Variants in XPC observed in about 807,000 individuals in gnomAD.
XPC encodes the protein DNA repair protein complementing XP-C cells.
In XPC, 76 loss-of-function variants were observed where a neutral mutation model predicts 95.8. The ratio of observed to expected loss-of-function variants is 0.79; its 90% CI spans 0.66 to 0.96. The LOEUF (loss-of-function observed/expected upper bound fraction) is 0.96, where lower values mean the gene tolerates loss of function less well. Ranked by LOEUF, XPC falls within the 40% of genes least tolerant of loss-of-function variation. The pLI is 0.00. For synonymous variants in XPC, 442 were observed against 442.1 expected (o/e 1.00, Z 0.00); for missense variants, 1,146 against 1,179.8 (o/e 0.97, Z 0.42).
chr3:14,167,915 C>T lies in XPC; in HGVS notation c.536+342G>A, dbSNP rs3731096. On this transcript the variant is annotated intron_variant, in intron 4 of 15. Transcript: ENST00000285021. Reference sequence around the variant, plus strand: ...GTCAATGAGAAGGATTAGGTCTCAGCTCTTCCATTACTGGCTGAGTGACTC... The same window carrying T: ...GTCAATGAGAAGGATTAGGTCTCAGTTCTTCCATTACTGGCTGAGTGACTC... Among the ~76,000 whole-genome samples the T allele has an allele frequency of 5.9e-3, 903 of 152,298 alleles. 3 individuals are homozygous for T. The highest frequency in any genetic ancestry group is 0.02 in the African/African-American group (850 of 41,558).
intron 10 of XPC, among the ~76,000 whole-genome samples, chr3:14,153,804 T>C (rs561905264): frequency 3.0e-4 from 46 of 152,356 alleles, no homozygotes; most frequent in African/African-American, 1.0e-3. Context: ...GCTTGCCCTT[T>C]CTACCGCACA....
intron 10 of XPC, chr3:14,153,562 GGAGT>G (rs1695783913): frequency 5.7e-6 from 1 of 173,922 alleles, no homozygotes; most frequent in South Asian, 1.7e-4. Flanking sequence ...ACATACAACA[GGAGT>G]GAACCTTGAG....
At chr3:14,153,705 A>G (rs1338435754) in intron 10 of XPC, among the ~76,000 whole-genome samples, 1 of 152,170 alleles carries the variant, frequency 6.6e-6, no homozygotes, top group Non-Finnish European at 1.5e-5. Context: ...AGGATATCCT[A>G]TTTTCAGCTT....
At chr3:14,150,930 G>C (rs988791177) in intron 11 of XPC, among the ~76,000 whole-genome samples, 9 of 152,180 alleles carry the variant, frequency 5.9e-5, no homozygotes, top group African/African-American at 2.2e-4. Context: ...GGAGGGTGCG[G>C]GACTCAGACT....
chr3:14,175,768 C>G (rs1258864031), intron 1 of XPC, among the ~76,000 whole-genome samples: 1 of 152,190 alleles, frequency 6.6e-6, no homozygotes, highest in Non-Finnish European at 1.5e-5. Flanking sequence ...AAAACCTACA[C>G]TATTACAGTG....
intron 2 of XPC, among the ~76,000 whole-genome samples, chr3:14,171,864 G>C (rs897124401): frequency 3.9e-5 from 6 of 152,080 alleles, no homozygotes; most frequent in African/African-American, 1.4e-4. Context: ...GGGACGGGAA[G>C]GGAAGTCTAG....
At position 14,170,420 on chromosome 3, in the gene XPC, C is replaced by T. The variant is rs1267561462; in HGVS notation, c.412+18G>A. The T allele has an allele frequency of 6.2e-7, 1 of 1,609,036 alleles. No homozygotes were observed. The highest frequency in any genetic ancestry group is 1.3e-5 in the African/African-American group (1 of 74,818). On this transcript the variant is annotated intron_variant, in intron 3 of 15. Coordinates refer to ENST00000285021, the MANE Select transcript of XPC (RefSeq NM_004628.5). ...AAACAGAACCAAACAGTTCTGAAAA[C>T]AAAGAAAGATGTTTCACCTTCAACC...
chr3:14,163,598 G>C (rs972586751), intron 7 of XPC, among the ~76,000 whole-genome samples: 2 of 152,022 alleles, frequency 1.3e-5, no homozygotes, highest in East Asian at 1.9e-4. Context: ...GCAGGGACAG[G>C]GGGGTAACAA....
In XPC at chr3:14,145,179, G is replaced by A. The variant is rs1559365781; in HGVS notation, c.*762C>T. 2 of 512,740 alleles carry A rather than the reference G, an allele frequency of 3.9e-6. No individual in the cohort carries two copies. The highest frequency in any genetic ancestry group is 6.2e-5 in the East Asian group (2 of 32,184). The allele number at this position is 512,740 out of a possible 1,614,324, so 31.8% of individuals were successfully genotyped here. A position where few individuals can be genotyped will look rare whatever the true frequency, so the allele number is the denominator to read the frequency against. On this transcript the variant is annotated 3_prime_UTR_variant, in exon 16 of 16. Transcript: ENST00000285021. ...AAATGCTTTATTATTTTCTCAAAAT[G>A]TTATAAAAGTCATTTCTCCTTAGTA...
At chr3:14,147,831 GC>G (rs1404743566) in intron 14 of XPC, 76 bp downstream of exon 14, 32 of 1,340,660 alleles carry the variant, frequency 2.4e-5, no homozygotes, top group African/African-American at 4.3e-5. Flanking sequence ...CACGGAGGCG[GC>G]CTGGGGAAGG....
In XPC at chr3:14,170,656, T is replaced by C. The variant is rs143320797; in HGVS notation, c.300-106A>G. The C allele has an allele frequency of 8.6e-5, 69 of 801,650 alleles. 1 individual carries two copies. The East Asian group carries it at 1.1e-3, about 13-fold the overall frequency. The allele number at this position is 801,650 out of a possible 1,614,324, so 49.7% of individuals were successfully genotyped here. A position where few individuals can be genotyped will look rare whatever the true frequency, so the allele number is the denominator to read the frequency against. ...ACCCCTCCTATTTATTGAGAATCTG[T>C]TGCAACTATTTAAAGATGATTAGTA... On this transcript the variant is annotated intron_variant, in intron 2 of 15. Coordinates refer to ENST00000285021, the MANE Select transcript of XPC (RefSeq NM_004628.5).
At chr3:14,173,588 A>G (rs999243896) in intron 1 of XPC, among the ~76,000 whole-genome samples, 1 of 152,228 alleles carries the variant, frequency 6.6e-6, no homozygotes, top group African/African-American at 2.4e-5. Flanking sequence ...AATGGCACTC[A>G]TATACCAACC....
intron 10 of XPC, chr3:14,152,723 G>A (rs1400673145): frequency 6.6e-6 from 2 of 302,592 alleles, no homozygotes; most frequent in Non-Finnish European, 1.2e-5. Context: ...AGCTCCAGCT[G>A]CAGACTATCA....
rs1313241772 is a variant in XPC, at chr3:14,148,645, T to G, written c.2337A>C (p.Leu779=). 7 of 1,613,992 alleles carry G rather than the reference T, an allele frequency of 4.3e-6. No individual in the cohort carries two copies. In the South Asian group the frequency reaches 6.6e-5, roughly 15 times the overall value. ...IGCVQLNLPN[L]HRVARKLDID... is the part of the protein sequence containing the mutation. Reference sequence around the variant, plus strand: ...TGTCCAGCTTGCGGGCCACGCGGTGTAGATTGGGCAGGTTCAGCTGGACAC... The same window carrying G: ...TGTCCAGCTTGCGGGCCACGCGGTGGAGATTGGGCAGGTTCAGCTGGACAC... The change falls in exon 13 of 16, where the codon CTA becomes CTC. Residue 779 remains leucine (L), a synonymous_variant. Transcript: ENST00000285021.
intron 14 of XPC, 28 bp downstream of exon 14, chr3:14,147,880 T>C: frequency 6.4e-7 from 1 of 1,565,512 alleles, no homozygotes; most frequent in Non-Finnish European, 8.7e-7. Flanking sequence ...CCGCTTCTGC[T>C]GTCCCTCAGT....
intron 11 of XPC, 38 bp from the exon 12 acceptor site, chr3:14,148,986 C>A (rs765482377): frequency 9.9e-6 from 16 of 1,610,254 alleles, no homozygotes; most frequent in Non-Finnish European, 1.3e-5. Context: ...ACAACAAAGG[C>A]ATCCAGTTCC....
intron 15 of XPC, among the ~76,000 whole-genome samples, chr3:14,146,727 GGA>G (rs1223391422): frequency 2.6e-5 from 4 of 152,208 alleles, no homozygotes; most frequent in African/African-American, 4.8e-5. Flanking sequence ...ACAGAGGGTT[GGA>G]GAGAGGGAAC....
In XPC at chr3:14,158,278, G is replaced by C; in HGVS notation, c.1605C>G (p.Phe535Leu). 1 of 1,613,960 alleles carries C rather than the reference G, an allele frequency of 6.2e-7. No individual in the cohort carries two copies. Among genetic ancestry groups the C allele is most frequent in the Non-Finnish European group, 8.5e-7 (1 of 1,179,892 alleles). ...ATACCCACTTTTCCTCCTGCTCACA[G>C]AACACCTCTAGCCACTGGTCTATAC... ...IAGIDQWLEVFCEQEEKWVCV... is the reference protein window; with the variant it reads ...IAGIDQWLEVLCEQEEKWVCV... The change falls in exon 9 of 16, where the codon TTC becomes TTG. Residue 535 changes from phenylalanine (F) to leucine (L), a missense_variant. By Grantham distance (22) the Phe-to-Leu change is conservative. Coordinates refer to ENST00000285021, the MANE Select transcript of XPC (RefSeq NM_004628.5). This position sits in a 1 kb window ranked among gnomAD's most constrained non-coding sequence, Gnocchi z 5.2.
intron 7 of XPC, 110 bp from the exon 8 acceptor site, chr3:14,159,940 G>C: frequency 1.8e-6 from 2 of 1,095,180 alleles, no homozygotes; most frequent in Non-Finnish European, 2.7e-6. Flanking sequence ...GCTGGAAACA[G>C]CCAGACTGTC....
Sources: gnomAD v4.1 joint callset for allele counts (sites outside exome capture counted in the v4.1 genomes callset) on GRCh38, gnomAD v4.1.1 for gene constraint, Gnocchi (gnomAD v3.1) non-coding constraint, MANE v1.5 for transcripts, NCBI Gene and HGNC (gene_info 2026-07-23, HGNC 2026-07-21) for gene names.